The following ZFAT variants were observed in gnomAD, a reference collection of about 807,000 sequenced individuals.
ZFAT encodes zinc finger protein ZFAT.
ZFAT carries 64 observed loss-of-function variants against 117.7 expected under a neutral mutation model. That is an observed-to-expected ratio of 0.54 (90% CI 0.44 to 0.67). ZFAT has a LOEUF of 0.67. Among genes scored for constraint, ZFAT ranks in the 30% least tolerant of loss-of-function variants. The pLI is 0.00. For synonymous variants in ZFAT, 679 were observed against 615.0 expected, an observed-to-expected ratio of 1.10 and a Z score of -1.54; for missense variants, 1,433 against 1,584.5, an observed-to-expected ratio of 0.90 and a Z score of 1.62.
intron 1 of ZFAT, among the ~76,000 whole-genome samples, chr8:134,705,389 T>TTC (rs1192196729): frequency 6.7e-6 from 1 of 150,162 alleles, no homozygotes; most frequent in East Asian, 1.9e-4. Context: ...TTTTTTTTTT[T>TTC]TGTAGAGCTG....
At chr8:134,536,833 G>A (rs1364929594) in intron 11 of ZFAT, among the ~76,000 whole-genome samples, 1 of 152,032 alleles carries the variant, frequency 6.6e-6, no homozygotes, top group African/African-American at 2.4e-5. Context: ...ACAGAAACTC[G>A]CAAACAACAA....
the ZFAT span, among the ~76,000 whole-genome samples, chr8:134,743,295 C>T: frequency 2.0e-5 from 3 of 152,118 alleles, no homozygotes; most frequent in Non-Finnish European, 4.4e-5. Flanking sequence ...TCAAGACCAG[C>T]CTGGCCAACA....
intron 1 of ZFAT, among the ~76,000 whole-genome samples, chr8:134,686,110 C>A (rs927660625): frequency 4.6e-5 from 7 of 152,352 alleles, no homozygotes; most frequent in South Asian, 2.1e-4. Flanking sequence ...GTGCCCTGGC[C>A]AGCCCCAGCA....
chr8:134,686,704 G>A (rs1160494306), intron 1 of ZFAT, among the ~76,000 whole-genome samples: 3 of 152,100 alleles, frequency 2.0e-5, no homozygotes, highest in East Asian at 1.9e-4. Context: ...CAGAGAGGAC[G>A]GCAGGACATC....
chr8:134,583,824 T>A lies in ZFAT; in HGVS notation c.2887+8A>T. 1 of 1,613,234 alleles carries A rather than the reference T, an allele frequency of 6.2e-7. No individual in the cohort carries two copies. The highest frequency in any genetic ancestry group is 8.5e-7 in the Non-Finnish European group (1 of 1,179,538). On this transcript the variant is annotated splice_region_variant and intron_variant, in intron 10 of 15. Transcript: ENST00000377838. ...GAGGGGAAAGTTCACCTTGGGCCAT[T>A]TACTCACCATCTGCAGTGTGAAGGA...
chr8:134,753,972 C>G, the ZFAT span, among the ~76,000 whole-genome samples: 2,922 of 152,280 alleles, frequency 0.019, 80 homozygotes, highest in African/African-American at 0.067. Flanking sequence ...CACAAAGTAG[C>G]CTTTGTTTGT....
At position 134,610,753 on chromosome 8, in the gene ZFAT, C is replaced by T. The variant is rs1162804665; in HGVS notation, c.449-98G>A. 18 of 1,437,916 alleles carry T rather than the reference C, an allele frequency of 1.3e-5. No individual in the cohort carries two copies. The South Asian group carries it at 2.4e-4, about 19-fold the overall frequency. 89.1% of individuals were successfully genotyped at this position (1,437,916 alleles called of 1,614,324 possible). On this transcript the variant is annotated intron_variant, in intron 3 of 15. Coordinates refer to ENST00000377838, the MANE Select transcript of ZFAT (RefSeq NM_020863.4). ...CTTTCACGGGACAGTAAAGGAAACA[C>T]AGCTCTTTGGTCTGCAGTGCCACGC...
At chr8:134,639,620 G>T (rs941007431) in intron 2 of ZFAT, among the ~76,000 whole-genome samples, 30 of 152,330 alleles carry the variant, frequency 2.0e-4, no homozygotes, top group Non-Finnish European at 3.4e-4. Context: ...TGGGAGGAAA[G>T]AAATACAAGG....
intron 7 of ZFAT, chr8:134,600,074 A>G: frequency 2.8e-6 from 1 of 352,914 alleles, no homozygotes; most frequent in Non-Finnish European, 5.4e-6. Context: ...CAACCTCTCA[A>G]CCACGTTCAG....
chr8:134,720,859 G>A, the ZFAT span, among the ~76,000 whole-genome samples: 1 of 152,202 alleles, frequency 6.6e-6, no homozygotes, highest in East Asian at 1.9e-4. Flanking sequence ...AATAATAATG[G>A]TGGTATGGGC....
At chr8:134,537,286 T>A (rs886800073) in intron 11 of ZFAT, among the ~76,000 whole-genome samples, 2 of 152,242 alleles carry the variant, frequency 1.3e-5, no homozygotes, top group African/African-American at 4.8e-5. Context: ...TGCATCAGAT[T>A]TGGGGCCCCA....
At chr8:134,800,209 A>G in the ZFAT span, among the ~76,000 whole-genome samples, 1 of 152,216 alleles carries the variant, frequency 6.6e-6, no homozygotes, top group East Asian at 1.9e-4. Flanking sequence ...AAAATTGAAA[A>G]GATACAATAA....
chr8:134,601,546 T>C lies in ZFAT; in HGVS notation c.2173A>G (p.Lys725Glu), dbSNP rs1165275385. The C allele has an allele frequency of 6.2e-7, 1 of 1,614,064 alleles. No homozygotes were observed. The highest frequency in any genetic ancestry group is 1.3e-5 in the African/African-American group (1 of 74,920). The change falls in exon 6 of 16, where the codon AAG becomes GAG. Residue 725 changes from lysine to glutamate, a missense_variant. By Grantham distance (56) the Lys-to-Glu change is moderately conservative (BLOSUM62 1). Coordinates refer to ENST00000377838, the MANE Select transcript of ZFAT (RefSeq NM_020863.4). ...FMKVLNSLQK[K>E]QMNTSLCERI... is the part of the protein sequence containing the mutation. ...TCACACAAGCTGGTGTTCATTTGCT[T>C]CTTCTGTAAACTGTTCAGGACCTTC...
chr8:134,625,546 G>A (rs1287476542), intron 3 of ZFAT, among the ~76,000 whole-genome samples: 1 of 152,202 alleles, frequency 6.6e-6, no homozygotes. Context: ...ACATTTGGTT[G>A]TCTATTTACA....
the ZFAT span, among the ~76,000 whole-genome samples, chr8:134,757,005 T>C: frequency 0.39 from 55,209 of 142,096 alleles, 10,715 homozygotes; most frequent in Admixed American, 0.47. Context: ...TCCCACCTTC[T>C]TTCCTTTTTT....
chr8:134,747,747 C>T, the ZFAT span, among the ~76,000 whole-genome samples: 5,408 of 152,270 alleles, frequency 0.036, 128 homozygotes, highest in South Asian at 0.069. Context: ...ATAATCGTTT[C>T]CTCCCTTTTT....
the ZFAT span, among the ~76,000 whole-genome samples, chr8:134,758,325 A>AAAAACAAAAC: frequency 1.3e-4 from 20 of 151,822 alleles, no homozygotes; most frequent in African/African-American, 4.3e-4. Context: ...TACAGTGGAA[A>AAAAACAAAAC]AAAACAAAAC....
At chr8:134,742,638 G>A in the ZFAT span, among the ~76,000 whole-genome samples, 8 of 152,230 alleles carry the variant, frequency 5.3e-5, no homozygotes, top group East Asian at 1.2e-3. Flanking sequence ...CTGCTACCAC[G>A]CAATTATTTC....
chr8:134,510,544 G>A (rs892095966), intron 14 of ZFAT, among the ~76,000 whole-genome samples: 1 of 152,160 alleles, frequency 6.6e-6, no homozygotes, highest in African/African-American at 2.4e-5. Flanking sequence ...CGTGTCTCAT[G>A]CAGAAGGTAG....
Sources: allele counts gnomAD v4.1 joint callset (sites outside exome capture counted in the v4.1 genomes callset), GRCh38; gene constraint gnomAD v4.1.1; transcripts MANE v1.5; gene names NCBI Gene and HGNC (gene_info 2026-07-23, HGNC 2026-07-21).